The following SLC9A9 variants were observed in gnomAD, a reference collection of about 807,000 sequenced individuals.
SLC9A9 encodes solute carrier family 9 member A9.
In SLC9A9, 62 loss-of-function variants were observed where a neutral mutation model predicts 77.8. The observed-to-expected ratio is 0.80, with a 90% CI of 0.65 to 0.98. The LOEUF (loss-of-function observed/expected upper bound fraction) is 0.98. Among genes scored for constraint, SLC9A9 ranks in the 50% least tolerant of loss-of-function variants. The probability of loss-of-function intolerance (pLI) is 0.00; values close to 1 mark genes in which losing one functional copy is unlikely to be tolerated. For synonymous variants in SLC9A9, 320 were observed against 283.5 expected (o/e 1.13, Z -1.29); for missense variants, 775 against 774.9 (o/e 1.00, Z 0.00).
intron 14 of SLC9A9, among the ~76,000 whole-genome samples, chr3:143,330,436 A>G (rs1039581836): frequency 1.3e-5 from 2 of 152,186 alleles, no homozygotes; most frequent in Non-Finnish European, 2.9e-5. Context: ...TTGTGGAATA[A>G]ATGGTGCTTT....
intron 4 of SLC9A9, among the ~76,000 whole-genome samples, chr3:143,702,482 CAG>C (rs1434193970): frequency 2.0e-5 from 3 of 151,854 alleles, no homozygotes; most frequent in Non-Finnish European, 4.4e-5. Context: ...CTTATGCAAA[CAG>C]TGTTGTTATC....
intron 2 of SLC9A9, among the ~76,000 whole-genome samples, chr3:143,827,278 G>A (rs145198208): frequency 6.6e-6 from 1 of 151,354 alleles, no homozygotes; most frequent in African/African-American, 2.5e-5. Context: ...TTTGACAAAT[G>A]GTGGTGGAAA....
At position 143,423,725 on chromosome 3, in the gene SLC9A9, CTTA is replaced by C. The variant is rs1287086584; in HGVS notation, c.1470-41614_1470-41612del. Among the ~76,000 whole-genome samples, 12 of 152,238 alleles carry C rather than the reference CTTA, an allele frequency of 7.9e-5. No homozygotes were observed. In the East Asian group the frequency reaches 2.3e-3, roughly 29 times the overall value. ...CTTCAAAGTTCCTTTCTACAAAATACTTATTAATTATGGGGGGTAGAAAGAGTA... is the reference window on the plus strand; with the variant it reads ...CTTCAAAGTTCCTTTCTACAAAATACTTAATTATGGGGGGTAGAAAGAGTA... On this transcript the variant is annotated intron_variant, in intron 12 of 15. Transcript: ENST00000316549.
At position 143,284,266 on chromosome 3, in the gene SLC9A9, G is replaced by GACAT. The variant is rs1337188799; in HGVS notation, c.1605-15290_1605-15287dup. Reference sequence around the variant, plus strand: ...TGGAAGTCTATTCATTCTTTAAAGTGACATAAAGTGGCACTTGGAGTCCCA... The same window carrying GACAT: ...TGGAAGTCTATTCATTCTTTAAAGTGACATACATAAAGTGGCACTTGGAGTCCCA... On this transcript the variant is annotated intron_variant, in intron 14 of 15. Coordinates refer to ENST00000316549, the MANE Select transcript of SLC9A9 (RefSeq NM_173653.4). Among the ~76,000 whole-genome samples, 6 of 152,278 alleles carry GACAT rather than the reference G, an allele frequency of 3.9e-5. No individual in the cohort carries two copies. The South Asian group carries it at 1.2e-3, about 32-fold the overall frequency.
intron 14 of SLC9A9, among the ~76,000 whole-genome samples, chr3:143,282,639 TGTAATG>T (rs1299805988): frequency 6.6e-6 from 1 of 152,180 alleles, no homozygotes; most frequent in East Asian, 1.9e-4. Context: ...TGTCTGGAAT[TGTAATG>T]GTAATGGACT....
intron 11 of SLC9A9, among the ~76,000 whole-genome samples, chr3:143,477,494 C>A (rs1300646679): frequency 6.6e-6 from 1 of 151,818 alleles, no homozygotes; most frequent in Non-Finnish European, 1.5e-5. Context: ...CCATGGACCA[C>A]ACTTCTAGAA....
intron 14 of SLC9A9, among the ~76,000 whole-genome samples, chr3:143,286,591 C>A (rs1032923808): frequency 2.6e-5 from 4 of 152,210 alleles, no homozygotes; most frequent in African/African-American, 9.6e-5. Flanking sequence ...TGCCTTTCAG[C>A]TGGGGCCTCA....
chr3:143,484,075 T>C (rs919668552), intron 11 of SLC9A9, among the ~76,000 whole-genome samples: 2 of 152,220 alleles, frequency 1.3e-5, no homozygotes, highest in Non-Finnish European at 2.9e-5. Context: ...AAGAACTCTT[T>C]GCAAAATGTT....
intron 11 of SLC9A9, among the ~76,000 whole-genome samples, chr3:143,483,719 C>T (rs1576527904): frequency 6.6e-6 from 1 of 152,128 alleles, no homozygotes; most frequent in African/African-American, 2.4e-5. Flanking sequence ...GCTTGGAAAG[C>T]TTCTCTGCCC....
chr3:143,505,916 A>G (rs2036007770), intron 9 of SLC9A9, among the ~76,000 whole-genome samples: 1 of 152,226 alleles, frequency 6.6e-6, no homozygotes, highest in African/African-American at 2.4e-5. Flanking sequence ...TTGCTTAATT[A>G]CTTTAGCCAG....
At position 143,543,080 on chromosome 3, in the gene SLC9A9, C is replaced by T. The variant is rs116601628; in HGVS notation, c.1089+9282G>A. On this transcript the variant is annotated intron_variant, in intron 9 of 15. Transcript: ENST00000316549. ...AATACTATGAATTGTCCAGTTTTTC[C>T]TCAATGATGCTATCATGGTTATCTT... Among the ~76,000 whole-genome samples, 326 of 152,290 alleles carry T rather than the reference C, an allele frequency of 2.1e-3. 2 individuals carry two copies. Among genetic ancestry groups the T allele is most frequent in the African/African-American group, 7.3e-3 (302 of 41,556 alleles).
intron 12 of SLC9A9, among the ~76,000 whole-genome samples, chr3:143,460,873 G>A (rs983722623): frequency 3.9e-5 from 6 of 152,102 alleles, no homozygotes; most frequent in African/African-American, 1.4e-4. Flanking sequence ...ATTGATTTAA[G>A]CAATAAATAT....
At chr3:143,709,556 A>G (rs2108795244) in intron 4 of SLC9A9, among the ~76,000 whole-genome samples, 1 of 152,286 alleles carries the variant, frequency 6.6e-6, no homozygotes, top group Non-Finnish European at 1.5e-5. Flanking sequence ...CCCTGATGGC[A>G]ATTTCCTTAA....
At chr3:143,761,083 A>AAC (rs1560067323) in intron 4 of SLC9A9, among the ~76,000 whole-genome samples, 1 of 152,156 alleles carries the variant, frequency 6.6e-6, no homozygotes, top group African/African-American at 2.4e-5. Context: ...CAAAAACAGG[A>AAC]AATGGGGAAA....
chr3:143,323,999 C>T (rs147152879), intron 14 of SLC9A9, among the ~76,000 whole-genome samples: 1 of 151,918 alleles, frequency 6.6e-6, no homozygotes, highest in East Asian at 1.9e-4. Flanking sequence ...CCAATGTATA[C>T]ATTTTCTTTT....
At chr3:143,430,977 AAG>A (rs2034502916) in intron 12 of SLC9A9, among the ~76,000 whole-genome samples, 1 of 152,218 alleles carries the variant, frequency 6.6e-6, no homozygotes, top group Non-Finnish European at 1.5e-5. Context: ...GGATGACAAA[AAG>A]AGCCTCATCA....
At chr3:143,820,553 T>G (rs1374833) in intron 2 of SLC9A9, among the ~76,000 whole-genome samples, 2 of 152,190 alleles carry the variant, frequency 1.3e-5, no homozygotes, top group African/African-American at 4.8e-5. Flanking sequence ...TGGTCCCTTG[T>G]GGGCCTGCCA....
At chr3:143,512,771 A>G (rs1195808306) in intron 9 of SLC9A9, among the ~76,000 whole-genome samples, 1 of 152,110 alleles carries the variant, frequency 6.6e-6, no homozygotes. Flanking sequence ...AGCTACTTGG[A>G]AGACTGAGGC....
intron 5 of SLC9A9, among the ~76,000 whole-genome samples, chr3:143,691,416 A>T (rs1933462747): frequency 6.6e-6 from 1 of 152,096 alleles, no homozygotes; most frequent in South Asian, 2.1e-4. Flanking sequence ...GTAGACCCAC[A>T]TTCGAGAGCT....
Sources: allele counts gnomAD v4.1 joint callset (sites outside exome capture counted in the v4.1 genomes callset), GRCh38; gene constraint gnomAD v4.1.1; transcripts MANE v1.5; gene names NCBI Gene and HGNC (gene_info 2026-07-23, HGNC 2026-07-21).